Variants in ZNF253 observed in about 807,000 individuals in gnomAD.
The protein encoded by ZNF253 is DNA-binding protein.
Under a neutral mutation model 11.9 loss-of-function variants are expected in ZNF253, and 8 were observed. The observed-to-expected ratio is 0.67, with a 90% CI of 0.40 to 1.22. The LOEUF (loss-of-function observed/expected upper bound fraction) is 1.22. ZNF253 is among the 50% of genes most tolerant of loss of function. ZNF253 has a pLI of 0.01. For missense variants in ZNF253, 485 were observed against 586.9 expected (o/e 0.83, Z 1.79); for synonymous variants, 194 against 194.9 (o/e 1.00, Z 0.04).
At chr19:19,881,243 AATTT>A (rs1405534136) in intron 3 of ZNF253, among the ~76,000 whole-genome samples, 3 of 151,978 alleles carry the variant, frequency 2.0e-5, no homozygotes, top group African/African-American at 7.3e-5. Flanking sequence ...TTTTCTCAGA[AATTT>A]ATTATGTAAT....
intron 1 of ZNF253, among the ~76,000 whole-genome samples, chr19:19,866,648 G>C (rs970295432): frequency 1.3e-5 from 2 of 151,902 alleles, no homozygotes; most frequent in Non-Finnish European, 2.9e-5. Context: ...ACAGGCATGC[G>C]TCACCACACC....
chr19:19,870,028 G>A (rs2063127730), intron 1 of ZNF253, among the ~76,000 whole-genome samples: 1 of 151,946 alleles, frequency 6.6e-6, no homozygotes, highest in African/African-American at 2.4e-5. Context: ...CACTTAAATG[G>A]TTATTTTAAT....
intron 3 of ZNF253, among the ~76,000 whole-genome samples, chr19:19,887,121 A>G (rs2063209322): frequency 6.6e-6 from 1 of 152,046 alleles, no homozygotes; most frequent in Non-Finnish European, 1.5e-5. Flanking sequence ...TGTCTAATAT[A>G]ATTATGACCA....
intron 1 of ZNF253, among the ~76,000 whole-genome samples, chr19:19,866,726 G>A (rs1192340451): frequency 2.6e-5 from 4 of 151,996 alleles, no homozygotes. Flanking sequence ...TTGAACTCCC[G>A]AACTCAGTTG....
chr19:19,888,249 A>C (rs1460868586), intron 3 of ZNF253, among the ~76,000 whole-genome samples: 1 of 152,036 alleles, frequency 6.6e-6, no homozygotes, highest in Non-Finnish European at 1.5e-5. Context: ...TTTTTAGTAG[A>C]GATGGGGTTA....
chr19:19,876,506 A>C (rs2063156811), intron 1 of ZNF253, among the ~76,000 whole-genome samples: 1 of 140,286 alleles, frequency 7.1e-6, no homozygotes. Flanking sequence ...TTTTATCTTC[A>C]TGAAGCAGCT....
chr19:19,865,838 T>C, upstream of ZNF253: 1 of 946,884 alleles, frequency 1.1e-6, no homozygotes, highest in South Asian at 1.3e-5. Context: ...GCGAACCACA[T>C]GGTTTCTGGG....
At chr19:19,880,194 C>G in intron 3 of ZNF253, 48 bp downstream of exon 3, 1 of 1,417,398 alleles carries the variant, frequency 7.1e-7, no homozygotes, top group Non-Finnish European at 9.7e-7. Flanking sequence ...GATAAAAGGT[C>G]CCAATGTCAA....
At chr19:19,880,731 G>A (rs2063174888) in intron 3 of ZNF253, among the ~76,000 whole-genome samples, 1 of 149,934 alleles carries the variant, frequency 6.7e-6, no homozygotes, top group Non-Finnish European at 1.5e-5. Flanking sequence ...GAGAGAATGA[G>A]AGGCTGCACA....
intron 1 of ZNF253, 124 bp from the exon 2 acceptor site, chr19:19,878,357 T>C: frequency 6.6e-7 from 1 of 1,512,002 alleles, no homozygotes; most frequent in Non-Finnish European, 8.9e-7. Context: ...AATATTTTAT[T>C]GGATAATTTT....
intron 3 of ZNF253, among the ~76,000 whole-genome samples, chr19:19,883,106 G>GT (rs1286280803): frequency 6.6e-6 from 1 of 152,080 alleles, no homozygotes; most frequent in Non-Finnish European, 1.5e-5. Context: ...TTCCATGGTA[G>GT]TTTTATCTTA....
At position 19,894,093 on chromosome 19, in the gene ZNF253, G is replaced by C. The variant is rs930372881; in HGVS notation, c.*1346G>C. 6.6e-6 allele frequency: 1 copy of C among 152,066 alleles called. No individual in the cohort carries two copies. Among genetic ancestry groups the C allele is most frequent in the Non-Finnish European group, 1.5e-5 (1 of 68,014 alleles). 9.4% of individuals were successfully genotyped at this position (152,066 alleles called of 1,614,324 possible). A position where few individuals can be genotyped will look rare whatever the true frequency, so the allele number is the denominator to read the frequency against. On this transcript the variant is annotated 3_prime_UTR_variant, in exon 4 of 4. Transcript: ENST00000589717. ...GAGAATTTTCCATAGAATAATTAAG[G>C]CACTGACACTTCAGACATTACACTA...
At chr19:19,886,491 C>T (rs1171936702) in intron 3 of ZNF253, among the ~76,000 whole-genome samples, 1 of 152,132 alleles carries the variant, frequency 6.6e-6, no homozygotes, top group East Asian at 1.9e-4. Context: ...GTTATGGGAC[C>T]TGGTGGGACA....
At chr19:19,884,348 G>A (rs1465458146) in intron 3 of ZNF253, among the ~76,000 whole-genome samples, 3 of 150,854 alleles carry the variant, frequency 2.0e-5, no homozygotes, top group Non-Finnish European at 4.4e-5. Flanking sequence ...TACATATTTT[G>A]TTTCTTTTGT....
In ZNF253 at chr19:19,892,303, C is replaced by T. The variant is rs2063235173; in HGVS notation, c.1056C>T (p.Ser352=). 6.2e-7 allele frequency: 1 copy of T among 1,611,596 alleles called. No homozygotes were observed. The highest frequency in any genetic ancestry group is 1.7e-5 in the Admixed American group (1 of 59,912). ...AATGTGGCAAAGCCTTTCACCTATC[C>T]TCACACCTTACTACACATAAGATAC... ...CEECGKAFHL[S]SHLTTHKILH... is the part of the protein sequence containing the mutation. The change falls in exon 4 of 4, where the codon TCC becomes TCT. Residue 352 remains serine, a synonymous_variant. Coordinates refer to ENST00000589717, the MANE Select transcript of ZNF253 (RefSeq NM_021047.3).
At chr19:19,889,061 A>G (rs1320217635) in intron 3 of ZNF253, among the ~76,000 whole-genome samples, 1 of 152,088 alleles carries the variant, frequency 6.6e-6, no homozygotes, top group Non-Finnish European at 1.5e-5. Context: ...TTTATCTTGC[A>G]GCACCCAAAA....
At chr19:19,888,253 G>A (rs1241166015) in intron 3 of ZNF253, among the ~76,000 whole-genome samples, 2 of 151,982 alleles carry the variant, frequency 1.3e-5, no homozygotes, top group Non-Finnish European at 2.9e-5. Flanking sequence ...TAGTAGAGAT[G>A]GGGTTACTCC....
intron 1 of ZNF253, among the ~76,000 whole-genome samples, chr19:19,867,840 C>T (rs985579245): frequency 6.6e-6 from 1 of 152,162 alleles, no homozygotes; most frequent in African/African-American, 2.4e-5. Flanking sequence ...TCCCTTTTCT[C>T]TGCAACCTTG....
At chr19:19,874,502 C>T (rs573657655) in intron 1 of ZNF253, among the ~76,000 whole-genome samples, 82 of 151,994 alleles carry the variant, frequency 5.4e-4, no homozygotes, top group African/African-American at 1.8e-3. Context: ...CCAGCCTGGG[C>T]GACAGAGCTC....
Sources: gnomAD v4.1 joint callset for allele counts (sites outside exome capture counted in the v4.1 genomes callset) on GRCh38, gnomAD v4.1.1 for gene constraint, MANE v1.5 for transcripts, NCBI Gene and HGNC (gene_info 2026-07-23, HGNC 2026-07-21) for gene names.